KREMEN1: variants seen among roughly 807,000 people sequenced by gnomAD.
KREMEN1 encodes kringle containing transmembrane protein 1, also known as kremen protein 1.
KREMEN1 carries 30 observed loss-of-function variants against 46.5 expected under a neutral mutation model. The observed-to-expected ratio is 0.65, with a 90% CI of 0.48 to 0.88. The LOEUF is 0.88. KREMEN1 is among the 40% of genes least tolerant of loss of function. The probability of loss-of-function intolerance (pLI) is 0.00; values close to 1 mark genes in which losing one functional copy is unlikely to be tolerated. For synonymous variants in KREMEN1, 214 were observed against 230.6 expected (o/e 0.93, Z 0.65); for missense variants, 533 against 596.9 (o/e 0.89, Z 1.11).
chr22:29,088,964 A>T (rs1317489587), intron 1 of KREMEN1, among the ~76,000 whole-genome samples: 1 of 152,150 alleles, frequency 6.6e-6, no homozygotes, highest in East Asian at 1.9e-4. Context: ...AAGAAAAAAA[A>T]ATTACTGAAA....
At chr22:29,159,488 G>A (rs1414848733) in intron 9 of KREMEN1, among the ~76,000 whole-genome samples, 4 of 151,872 alleles carry the variant, frequency 2.6e-5, no homozygotes, top group African/African-American at 9.7e-5. Flanking sequence ...GTGTGGTGGC[G>A]CACGCCTGTA....
chr22:29,115,331 A>G (rs1256860494), intron 3 of KREMEN1, among the ~76,000 whole-genome samples: 1 of 152,192 alleles, frequency 6.6e-6, no homozygotes, highest in Non-Finnish European at 1.5e-5. Context: ...AATTGAGTGC[A>G]GTGTATACTG....
intron 9 of KREMEN1, among the ~76,000 whole-genome samples, chr22:29,165,401 CAA>C (rs796435316): frequency 1.1e-4 from 12 of 111,042 alleles, no homozygotes; most frequent in Non-Finnish European, 9.8e-5. Flanking sequence ...GAGCCTGTCA[CAA>C]AAAAAAAAAA....
intron 9 of KREMEN1, among the ~76,000 whole-genome samples, chr22:29,159,756 G>A (rs2038994360): frequency 2.6e-5 from 4 of 152,194 alleles, no homozygotes; most frequent in South Asian, 2.1e-4. Context: ...AACAGAGAAC[G>A]ATGAACTCTG....
At chr22:29,093,313 C>T (rs1421323942) in intron 1 of KREMEN1, among the ~76,000 whole-genome samples, 1 of 152,124 alleles carries the variant, frequency 6.6e-6, no homozygotes, top group African/African-American at 2.4e-5. Flanking sequence ...TGTAACTCCC[C>T]CAGGTTGTCA....
At chr22:29,151,380 C>T (rs377180547), downstream of KREMEN1, among the ~76,000 whole-genome samples, 2 of 152,132 alleles carry the variant, frequency 1.3e-5, no homozygotes, top group African/African-American at 4.8e-5. Flanking sequence ...TGCCAGGGGT[C>T]GGCAAACATT....
At chr22:29,095,922 T>C (rs1231492155) in intron 2 of KREMEN1, among the ~76,000 whole-genome samples, 2 of 152,186 alleles carry the variant, frequency 1.3e-5, no homozygotes, top group Non-Finnish European at 2.9e-5. Flanking sequence ...GTTTAAATAG[T>C]TAAAATTCCC....
At chr22:29,109,822 A>G (rs1433162438) in intron 3 of KREMEN1, among the ~76,000 whole-genome samples, 3 of 152,220 alleles carry the variant, frequency 2.0e-5, no homozygotes, top group Admixed American at 6.5e-5. Context: ...CAGTGAGACA[A>G]GACAGGAAGG....
intron 1 of KREMEN1, among the ~76,000 whole-genome samples, chr22:29,083,351 T>G (rs1172971946): frequency 6.6e-6 from 1 of 152,242 alleles, no homozygotes; most frequent in Non-Finnish European, 1.5e-5. Flanking sequence ...TCAGTGACTT[T>G]TGACTATTTG....
At chr22:29,124,806 T>G (rs140053048) in intron 4 of KREMEN1, among the ~76,000 whole-genome samples, 1 of 152,164 alleles carries the variant, frequency 6.6e-6, no homozygotes, top group South Asian at 2.1e-4. Flanking sequence ...GTTACACAAA[T>G]CTATACAAGT....
At chr22:29,128,907 A>G (rs2038488982) in intron 5 of KREMEN1, among the ~76,000 whole-genome samples, 1 of 152,244 alleles carries the variant, frequency 6.6e-6, no homozygotes, top group African/African-American at 2.4e-5. Context: ...ATAGATCATA[A>G]TAACGGATCC....
intron 3 of KREMEN1, among the ~76,000 whole-genome samples, chr22:29,113,141 A>G (rs2038177957): frequency 1.3e-5 from 2 of 152,164 alleles, no homozygotes; most frequent in Admixed American, 1.3e-4. Context: ...ACAAAAACCC[A>G]TGGAATGGGA....
chr22:29,137,237 T>G, intron 5 of KREMEN1, 105 bp from the exon 6 acceptor site: 1 of 758,772 alleles, frequency 1.3e-6, no homozygotes, highest in Non-Finnish European at 2.0e-6. Context: ...AACAATGTCC[T>G]AAATGGGATC....
intron 3 of KREMEN1, among the ~76,000 whole-genome samples, chr22:29,107,331 C>A (rs555852749): frequency 1.8e-3 from 261 of 146,648 alleles, no homozygotes; most frequent in Non-Finnish European, 3.2e-3. Context: ...TCAAGAGATT[C>A]TCCTGCCTCA....
rs555772962 is a variant in KREMEN1 at position 29,167,979 on chromosome 22, G to C, written c.*873G>C. 1.5e-3 allele frequency: 222 copies of C among 152,316 alleles called. 1 individual carries two copies. Among genetic ancestry groups the C allele is most frequent in the Non-Finnish European group, 1.9e-3 (129 of 68,092 alleles). The allele number at this position is 152,316 out of a possible 1,614,324, so 9.4% of individuals were successfully genotyped here. On this transcript the variant is annotated 3_prime_UTR_variant, in exon 10 of 10. Coordinates refer to the KREMEN1 transcript ENST00000327813. ...TGTACCTGGTGGATGGCCCACGCACGAAGACTCAAGACCCTCAGGACTGGC... is the reference window on the plus strand; with the variant it reads ...TGTACCTGGTGGATGGCCCACGCACCAAGACTCAAGACCCTCAGGACTGGC...
intron 7 of KREMEN1, among the ~76,000 whole-genome samples, chr22:29,139,688 G>C (rs2038730247): frequency 2.6e-5 from 4 of 152,210 alleles, no homozygotes. Flanking sequence ...CAGGAGGATT[G>C]CTTGAGCCCA....
chr22:29,132,688 A>G (rs1226126608), intron 5 of KREMEN1, among the ~76,000 whole-genome samples: 1 of 152,134 alleles, frequency 6.6e-6, no homozygotes, highest in African/African-American at 2.4e-5. Flanking sequence ...CTTTCCCCTA[A>G]AGAAATTCCT....
At chr22:29,115,015 C>A (rs955856667) in intron 3 of KREMEN1, among the ~76,000 whole-genome samples, 1 of 151,794 alleles carries the variant, frequency 6.6e-6, no homozygotes, top group Non-Finnish European at 1.5e-5. Context: ...TCAAAACCAA[C>A]TGTTCCTAGC....
Position 29,141,935 on chromosome 22 carries a change from G to T in KREMEN1, c.1209-9G>T, listed in dbSNP as rs1189489231. ...AATCTATTGGAAAAAATATTTATCT[G>T]CTTGACAGATCCCATCGTGTTCCTG... On this transcript the variant is annotated splice_polypyrimidine_tract_variant and intron_variant, in intron 8 of 8. Transcript: ENST00000400335. 1 of 1,578,706 alleles carries T rather than the reference G, an allele frequency of 6.3e-7. No individual in the cohort carries two copies. The highest frequency in any genetic ancestry group is 8.6e-7 in the Non-Finnish European group (1 of 1,165,316).
Sources: allele counts gnomAD v4.1 joint callset (sites outside exome capture counted in the v4.1 genomes callset), GRCh38; gene constraint gnomAD v4.1.1; transcripts MANE v1.5; gene names NCBI Gene and HGNC (gene_info 2026-07-23, HGNC 2026-07-21).